KLHL32: variants seen among roughly 807,000 people sequenced by gnomAD.
KLHL32 encodes the protein kelch-like protein 32.
KLHL32 carries 35 observed loss-of-function variants against 64.8 expected under a neutral mutation model. The ratio of observed to expected loss-of-function variants is 0.54; its 90% CI spans 0.41 to 0.72. KLHL32 has a LOEUF of 0.72. KLHL32 is among the 30% of genes least tolerant of loss of function. The pLI, the probability that KLHL32 is intolerant of heterozygous loss-of-function variation, is 0.00. For missense variants in KLHL32, 589 were observed against 768.5 expected (o/e 0.77, Z 2.76); for synonymous variants, 259 against 281.0 (o/e 0.92, Z 0.78).
chr6:97,021,791 C>T (rs1782021997), intron 3 of KLHL32, among the ~76,000 whole-genome samples: 1 of 150,982 alleles, frequency 6.6e-6, no homozygotes, highest in African/African-American at 2.5e-5. Context: ...GTTTAAGAGG[C>T]ATCACAAATC....
Position 97,032,439 on chromosome 6 carries a change from G to T in KLHL32, c.205-9053G>T, listed in dbSNP as rs185516630. 1.8e-3 allele frequency among the ~76,000 whole-genome samples: 277 copies of T among 152,238 alleles called. 1 individual carries two copies. Among genetic ancestry groups the T allele is most frequent in the African/African-American group, 6.3e-3 (262 of 41,548 alleles). On this transcript the variant is annotated intron_variant, in intron 3 of 10. Coordinates refer to ENST00000369261, the MANE Select transcript of KLHL32 (RefSeq NM_052904.4). ...TTCCTCCCAACTCTACTAACTCTCT[G>T]ATGAGGATCCCTATTCTATGCCAGT...
chr6:97,119,247 A>G (rs1432846389), intron 7 of KLHL32, among the ~76,000 whole-genome samples: 2 of 152,124 alleles, frequency 1.3e-5, no homozygotes, highest in Admixed American at 1.3e-4. Flanking sequence ...AGCCCTCTCT[A>G]TCCCCTACTG....
At chr6:97,116,589 A>T (rs1015603706) in intron 7 of KLHL32, among the ~76,000 whole-genome samples, 1 of 152,210 alleles carries the variant, frequency 6.6e-6, no homozygotes, top group Non-Finnish European at 1.5e-5. Context: ...TTTAATAAAT[A>T]TTCCTTGTGT....
At chr6:97,114,673 A>G (rs1345629234) in intron 7 of KLHL32, 164 bp downstream of exon 7, 2 of 741,278 alleles carry the variant, frequency 2.7e-6, no homozygotes, top group African/African-American at 3.5e-5. Flanking sequence ...CTAGAGAGCA[A>G]TGTAATTGGA....
the KLHL32 span, among the ~76,000 whole-genome samples, chr6:96,906,742 G>C: frequency 6.6e-6 from 1 of 152,144 alleles, no homozygotes; most frequent in Admixed American, 6.5e-5. Flanking sequence ...AGATTCAGAG[G>C]CTGAATAAGT....
At chr6:97,093,810 AG>A (rs1213434149) in intron 6 of KLHL32, among the ~76,000 whole-genome samples, 1 of 152,232 alleles carries the variant, frequency 6.6e-6, no homozygotes, top group Non-Finnish European at 1.5e-5. Context: ...TGTAGTATAA[AG>A]CAGGAAATGA....
chr6:97,020,742 A>G (rs966823563), intron 3 of KLHL32, among the ~76,000 whole-genome samples: 7 of 150,870 alleles, frequency 4.6e-5, no homozygotes, highest in Admixed American at 4.6e-4. Context: ...GTCACTTCCT[A>G]TTTCTTCCTT....
chr6:97,068,269 T>C (rs1207116609), intron 5 of KLHL32, among the ~76,000 whole-genome samples: 1 of 152,196 alleles, frequency 6.6e-6, no homozygotes, highest in Admixed American at 6.5e-5. Context: ...CCAAGTATCA[T>C]TGTCTTTTTA....
intron 3 of KLHL32, among the ~76,000 whole-genome samples, chr6:97,016,037 A>G (rs193124393): frequency 2.0e-4 from 30 of 152,332 alleles, no homozygotes; most frequent in Non-Finnish European, 3.4e-4. Context: ...TAGAGGATGT[A>G]TGGAAATACC....
intron 4 of KLHL32, among the ~76,000 whole-genome samples, 180 bp downstream of exon 4, chr6:97,041,779 A>AT (rs1258747603): frequency 6.6e-6 from 1 of 152,212 alleles, no homozygotes. Context: ...AAGCAATTTG[A>AT]TTTTTTAATA....
intron 3 of KLHL32, among the ~76,000 whole-genome samples, chr6:97,038,554 CT>C (rs1206035847): frequency 6.6e-6 from 1 of 152,126 alleles, no homozygotes; most frequent in African/African-American, 2.4e-5. Flanking sequence ...CCCTAGTACA[CT>C]GTTGACGGGA....
In KLHL32 at chr6:96,976,981, G is replaced by A. The variant is rs117123951; in HGVS notation, c.204+804G>A. 5.2e-3 allele frequency among the ~76,000 whole-genome samples: 787 copies of A among 152,306 alleles called. 5 individuals carry two copies. Among genetic ancestry groups the A allele is most frequent in the Non-Finnish European group, 8.7e-3 (589 of 68,030 alleles). On this transcript the variant is annotated intron_variant, in intron 3 of 10. Transcript: ENST00000369261. ...TAATGGACCTTCATGGTCAGTACATGCATGCGGCTAATGAAGACACATCTT... is the reference window on the plus strand; with the variant it reads ...TAATGGACCTTCATGGTCAGTACATACATGCGGCTAATGAAGACACATCTT...
intron 5 of KLHL32, among the ~76,000 whole-genome samples, chr6:97,082,586 CT>C (rs1313908549): frequency 6.0e-5 from 9 of 150,040 alleles, no homozygotes; most frequent in South Asian, 2.1e-4. Context: ...GCACTCCAGC[CT>C]TGGGCGACAG....
intron 3 of KLHL32, among the ~76,000 whole-genome samples, chr6:97,026,459 C>T (rs1239775150): frequency 1.3e-5 from 2 of 152,046 alleles, no homozygotes; most frequent in African/African-American, 2.4e-5. Context: ...AGGAAGGTGC[C>T]AGGGAAATGG....
intron 6 of KLHL32, among the ~76,000 whole-genome samples, chr6:97,110,941 T>G (rs1797030797): frequency 6.6e-6 from 1 of 152,056 alleles, no homozygotes; most frequent in South Asian, 2.1e-4. Context: ...TTTCTGAAGT[T>G]TGTAGCAAAA....
At chr6:96,951,816 G>C (rs939356776) in intron 1 of KLHL32, among the ~76,000 whole-genome samples, 2 of 152,098 alleles carry the variant, frequency 1.3e-5, no homozygotes, top group Non-Finnish European at 2.9e-5. Flanking sequence ...TTGTTATGTG[G>C]AAGTATAGAA....
At chr6:97,123,655 A>G (rs917299028) in intron 7 of KLHL32, among the ~76,000 whole-genome samples, 3 of 152,228 alleles carry the variant, frequency 2.0e-5, no homozygotes, top group African/African-American at 4.8e-5. Context: ...TTAATGACAG[A>G]TGTATCTATA....
chr6:96,933,147 G>A (rs543745545), intron 1 of KLHL32, among the ~76,000 whole-genome samples: 2 of 152,222 alleles, frequency 1.3e-5, no homozygotes, highest in Admixed American at 6.5e-5. Flanking sequence ...CTGTGCAGGA[G>A]CATCACCCCA....
intron 5 of KLHL32, among the ~76,000 whole-genome samples, chr6:97,071,012 C>T (rs1363722170): frequency 1.3e-5 from 2 of 152,180 alleles, no homozygotes; most frequent in African/African-American, 4.8e-5. Context: ...ATCAGTTACG[C>T]CCTGTGTTTC....
Sources: allele counts gnomAD v4.1 joint callset (sites outside exome capture counted in the v4.1 genomes callset), GRCh38; gene constraint gnomAD v4.1.1; transcripts MANE v1.5; gene names NCBI Gene and HGNC (gene_info 2026-07-23, HGNC 2026-07-21).